The following CHMP3 variants were observed in gnomAD, a reference collection of about 807,000 sequenced individuals.
The protein encoded by CHMP3 is 25.1 protein.
Under a neutral mutation model 27.4 loss-of-function variants are expected in CHMP3, and 8 were observed. That is an observed-to-expected ratio of 0.29 (90% CI 0.17 to 0.53). The LOEUF is 0.53. CHMP3 is among the 20% of genes least tolerant of loss of function. CHMP3 has a pLI of 0.96. For missense variants in CHMP3, 208 were observed against 271.5 expected (o/e 0.77, Z 1.64); for synonymous variants, 86 against 85.5 (o/e 1.01, Z -0.03).
At chr2:86,550,982 C>T (rs186767932) in intron 1 of CHMP3, among the ~76,000 whole-genome samples, 281 of 152,306 alleles carry the variant, frequency 1.8e-3, no homozygotes, top group Non-Finnish European at 2.9e-3. Flanking sequence ...TGGAACCAAT[C>T]CTCCTCAGAT....
chr2:86,529,222 C>T lies in CHMP3; in HGVS notation c.282G>A (p.Gln94=). 3.1e-6 allele frequency: 5 copies of T among 1,604,964 alleles called. No individual in the cohort carries two copies. Among genetic ancestry groups the T allele is most frequent in the Non-Finnish European group, 4.2e-6 (5 of 1,176,524 alleles). ...GTAAGGTAAGTGCAGCCTTACCGAGCTGGTTCTTCATCCCCATGAGCACTG... is the reference window on the plus strand; with the variant it reads ...GTAAGGTAAGTGCAGCCTTACCGAGTTGGTTCTTCATCCCCATGAGCACTG... The part of the protein sequence containing the change: ...MNSVLMGMKN[Q]LAVLRVAGSL... Residue 94 remains glutamine (Q), a synonymous_variant, in exon 3 of 6, where the codon CAG becomes CAA. Transcript: ENST00000263856.
chr2:86,508,503 G>A lies in CHMP3; in HGVS notation c.409-910C>T, dbSNP rs577210530. ...ACTGGGGGTGCTGAGTGGCTGTGGT[G>A]GAGGGCATGGGTTCAGGTTTCTGAG... On this transcript the variant is annotated intron_variant, in intron 4 of 5. Transcript: ENST00000263856. Among the ~76,000 whole-genome samples the A allele has an allele frequency of 9.2e-5, 14 of 152,314 alleles. No individual in the cohort carries two copies. In the South Asian group the frequency reaches 2.5e-3, roughly 27 times the overall value.
intron 3 of CHMP3, among the ~76,000 whole-genome samples, chr2:86,528,888 G>A (rs982733782): frequency 1.3e-5 from 2 of 152,068 alleles, no homozygotes; most frequent in African/African-American, 4.8e-5. Context: ...CTAGGACAAA[G>A]GTAGAAAGCT....
intron 3 of CHMP3, 40 bp downstream of exon 3, chr2:86,529,178 C>T: frequency 6.6e-7 from 1 of 1,509,496 alleles, no homozygotes; most frequent in South Asian, 1.3e-5. Context: ...AACAGCAACC[C>T]CGGCATTATG....
chr2:86,526,306 C>T (rs1014447895), intron 3 of CHMP3, among the ~76,000 whole-genome samples: 5 of 152,014 alleles, frequency 3.3e-5, no homozygotes, highest in African/African-American at 7.3e-5. Flanking sequence ...AGAGAATGCT[C>T]GAGTTTAGTA....
chr2:86,555,515 A>G (rs75351863), intron 1 of CHMP3, among the ~76,000 whole-genome samples: 20,410 of 136,590 alleles, frequency 0.15, 1,570 homozygotes, highest in Middle Eastern at 0.18. Context: ...AAAAAAATAA[A>G]TAAATAAATA....
chr2:86,527,458 G>A (rs1050823055), intron 3 of CHMP3, among the ~76,000 whole-genome samples: 1 of 152,170 alleles, frequency 6.6e-6, no homozygotes, highest in Non-Finnish European at 1.5e-5. Context: ...TGTGTCTTTT[G>A]AGCATGTTGC....
rs1290443942 is a variant in CHMP3 at position 86,510,367 on chromosome 2, T to C, written c.399A>G (p.Glu133=). Residue 133 remains glutamate (E), a synonymous_variant, in exon 4 of 6, where the codon GAA becomes GAG. Coordinates refer to ENST00000263856, the MANE Select transcript of CHMP3 (RefSeq NM_016079.4). ...IQATMRELSK[E]MMKAGIIEEM... ...GCTAGCCCCAAGTCACCTTCATCAT[T>C]TCTTTGGACAACTCCCTCATGGTGG... The C allele has an allele frequency of 6.2e-7, 1 of 1,613,930 alleles. No individual in the cohort carries two copies. The highest frequency in any genetic ancestry group is 8.5e-7 in the Non-Finnish European group (1 of 1,179,864).
chr2:86,517,321 C>G (rs573504764), intron 3 of CHMP3, among the ~76,000 whole-genome samples: 1 of 152,150 alleles, frequency 6.6e-6, no homozygotes, highest in East Asian at 1.9e-4. Context: ...AATCCCAGCA[C>G]TTTGGGAGAC....
chr2:86,546,371 A>AC lies in CHMP3; in HGVS notation c.46-4060_46-4059insG, dbSNP rs1553408037. 6.1e-5 allele frequency among the ~76,000 whole-genome samples: 6 copies of AC among 97,594 alleles called. No individual in the cohort carries two copies. In the East Asian group the frequency reaches 1.8e-3, roughly 29 times the overall value. 64.0% of individuals were successfully genotyped at this position (97,594 alleles called of 152,430 possible). A position where few individuals can be genotyped will look rare whatever the true frequency, so the allele number is the denominator to read the frequency against. ...CAGAGGGAGACCCGAAGGGAGGGGAAGGGGGGGAGGGGGAGGGGGAGTAGG... is the reference window on the plus strand; with the variant it reads ...CAGAGGGAGACCCGAAGGGAGGGGAACGGGGGGGAGGGGGAGGGGGAGTAGG... On this transcript the variant is annotated intron_variant, in intron 1 of 5. Coordinates refer to ENST00000263856, the MANE Select transcript of CHMP3 (RefSeq NM_016079.4).
intron 1 of CHMP3, among the ~76,000 whole-genome samples, chr2:86,558,779 C>T (rs1329981137): frequency 2.6e-5 from 4 of 151,966 alleles, no homozygotes; most frequent in Non-Finnish European, 5.9e-5. Flanking sequence ...TTCCCTCTCT[C>T]TCTAATGCCC....
intron 2 of CHMP3, among the ~76,000 whole-genome samples, chr2:86,531,440 T>C (rs1037582947): frequency 3.3e-5 from 5 of 152,172 alleles, no homozygotes; most frequent in East Asian, 3.9e-4. Flanking sequence ...GGCATGATTA[T>C]AGCACATTAC....
In CHMP3 at chr2:86,562,739, T is replaced by C. The variant is rs1253494664; in HGVS notation, c.45+565A>G. On this transcript the variant is annotated intron_variant, in intron 1 of 5. Coordinates refer to ENST00000263856, the MANE Select transcript of CHMP3 (RefSeq NM_016079.4). ...TTCGAAGCCGGGTCCAGAGCTATCT[T>C]CTGTAACATTCTTCTGGGTCGAGTC... The C allele has an allele frequency of 2.0e-5, 3 of 152,330 alleles. No individual in the cohort carries two copies. In the South Asian group the frequency reaches 6.1e-4, roughly 31 times the overall value. The allele number at this position is 152,330 out of a possible 1,614,324, so 9.4% of individuals were successfully genotyped here.
intron 2 of CHMP3, among the ~76,000 whole-genome samples, chr2:86,537,790 T>C (rs376146820): frequency 3.3e-5 from 5 of 152,204 alleles, no homozygotes; most frequent in East Asian, 1.9e-4. Flanking sequence ...TATATACAGT[T>C]ACTTTTGAGT....
In CHMP3 at chr2:86,529,291, C is replaced by T. The variant is rs1675825988; in HGVS notation, c.213G>A (p.Arg71=). Residue 71 remains arginine, a synonymous_variant, in exon 3 of 6, where the codon AGG becomes AGA. Coordinates refer to ENST00000263856, the MANE Select transcript of CHMP3 (RefSeq NM_016079.4). The part of the protein sequence containing the change: ...IVLAKEMIRS[R]KAVSKLYASK... The stretch of plus-strand genomic sequence containing the variant: ...ATGCATACAGCTTGCTCACAGCCTT[C>T]CTTGACCTGATCATCTCCTTGGCCA... 1 of 1,613,700 alleles carries T rather than the reference C, an allele frequency of 6.2e-7. No individual in the cohort carries two copies. Among genetic ancestry groups the T allele is most frequent in the African/African-American group, 1.3e-5 (1 of 74,882 alleles).
chr2:86,510,145 GCTT>G (rs1387752851), intron 4 of CHMP3, among the ~76,000 whole-genome samples: 2 of 152,230 alleles, frequency 1.3e-5, no homozygotes, highest in East Asian at 3.9e-4. Flanking sequence ...GTAGACTTTT[GCTT>G]CTTCTACAGA....
At chr2:86,527,237 C>A (rs754876626) in intron 3 of CHMP3, 1 of 150,622 alleles carries the variant, frequency 6.6e-6, no homozygotes, top group South Asian at 2.1e-4. Flanking sequence ...GGTAAAACCC[C>A]GTCTCTACCA....
intron 5 of CHMP3, chr2:86,507,252 G>C: frequency 2.1e-6 from 1 of 469,408 alleles, no homozygotes; most frequent in Non-Finnish European, 3.9e-6. Flanking sequence ...TATGAGAGCA[G>C]TATCTTCCTT....
intron 3 of CHMP3, among the ~76,000 whole-genome samples, chr2:86,520,684 C>G (rs959544299): frequency 2.0e-5 from 3 of 152,126 alleles, no homozygotes; most frequent in African/African-American, 7.2e-5. Flanking sequence ...ATGCTTGACC[C>G]CAAAGATCCA....
Sources: gnomAD v4.1 joint callset for allele counts (sites outside exome capture counted in the v4.1 genomes callset) on GRCh38, gnomAD v4.1.1 for gene constraint, MANE v1.5 for transcripts, NCBI Gene and HGNC (gene_info 2026-07-23, HGNC 2026-07-21) for gene names.